ATP2B2: variants seen among roughly 807,000 people sequenced by gnomAD.
ATP2B2 encodes plasma membrane calcium-transporting ATPase 2.
Under a neutral mutation model 120.0 loss-of-function variants are expected in ATP2B2, and 15 were observed. That is an observed-to-expected ratio of 0.12 (90% confidence interval 0.08 to 0.19). ATP2B2 has a LOEUF of 0.19. Among genes scored for constraint, ATP2B2 ranks in the 10% least tolerant of loss-of-function variants. The pLI is 1.00. For synonymous variants in ATP2B2, 694 were observed against 700.3 expected (o/e 0.99, Z 0.14); for missense variants, 1,045 against 1,719.8 (o/e 0.61, Z 6.94).
intron 3 of ATP2B2, among the ~76,000 whole-genome samples, chr3:10,521,357 G>T (rs955090643): frequency 6.6e-6 from 1 of 152,214 alleles, no homozygotes. Flanking sequence ...CTATCTTTGA[G>T]GATAAGATGG....
chr3:10,440,312 C>T (rs901345615), intron 2 of ATP2B2, among the ~76,000 whole-genome samples: 7 of 152,064 alleles, frequency 4.6e-5, no homozygotes, highest in Non-Finnish European at 7.4e-5. Context: ...GCTCTCCATG[C>T]ACCTGGAGAA....
intron 1 of ATP2B2, among the ~76,000 whole-genome samples, chr3:10,634,457 C>T (rs930460410): frequency 6.6e-6 from 1 of 152,208 alleles, no homozygotes; most frequent in African/African-American, 2.4e-5. Flanking sequence ...ACTAGGAAAA[C>T]ACAGCTTCCA....
rs140980773 is a variant in ATP2B2, at chr3:10,374,755, C to T, written c.1416+675G>A. ...AGGTGCAGCTCTGCCATCAGGGTAG[C>T]GCTTAGAAAGGTCCCAGACCAAGCT... is the stretch of plus-strand genomic sequence containing the variant. On this transcript the variant is annotated intron_variant, in intron 11 of 22. Coordinates refer to ENST00000360273, the MANE Select transcript of ATP2B2 (RefSeq NM_001001331.4). 4.1e-4 allele frequency among the ~76,000 whole-genome samples: 63 copies of T among 152,078 alleles called. 1 individual carries two copies. Among genetic ancestry groups the T allele is most frequent in the African/African-American group, 1.5e-3 (61 of 41,332 alleles).
At chr3:10,552,917 C>G (rs1575489315) in intron 2 of ATP2B2, among the ~76,000 whole-genome samples, 2 of 152,198 alleles carry the variant, frequency 1.3e-5, no homozygotes, top group East Asian at 3.9e-4. Context: ...CATTTACTTT[C>G]CATAACAGTT....
At position 10,486,324 on chromosome 3, in the gene ATP2B2, CGT is replaced by C. The variant is rs1553616064; in HGVS notation, c.-320+19139_-320+19140del. ...AACAGCAGCCAGGTGTGTGTGCGTG[CGT>C]GTGTGTGTGTGTGTGTGTGTGTGTG... On this transcript the variant is annotated intron_variant, in intron 1 of 22. Coordinates refer to ENST00000360273, the MANE Select transcript of ATP2B2 (RefSeq NM_001001331.4). 2.0e-3 allele frequency among the ~76,000 whole-genome samples: 230 copies of C among 117,140 alleles called. 2 individuals are homozygous for C. Among genetic ancestry groups the C allele is most frequent in the Middle Eastern group, 8.7e-3 (2 of 230 alleles). The allele number at this position is 117,140 out of a possible 152,430, so 76.8% of individuals were successfully genotyped here. A position where few individuals can be genotyped will look rare whatever the true frequency, so the allele number is the denominator to read the frequency against.
intron 1 of ATP2B2, among the ~76,000 whole-genome samples, chr3:10,481,499 T>C (rs530552482): frequency 6.6e-6 from 1 of 152,338 alleles, no homozygotes; most frequent in African/African-American, 2.4e-5. Context: ...AAAAATAAGA[T>C]GCCTTGTCAT....
At position 10,402,930 on chromosome 3, in the gene ATP2B2, A is replaced by ATT. The variant is rs141389425; in HGVS notation, c.398-584_398-583dup. The stretch of plus-strand genomic sequence containing the variant: ...CATGAGAAAAGAGAGTAAGTGAGGT[A>ATT]TTTTTCTTTTTTTCCAGAACAAAGG... On this transcript the variant is annotated intron_variant, in intron 3 of 22. Transcript: ENST00000360273. The surrounding 1 kb of genome is among the most constrained non-coding windows in gnomAD (Gnocchi z 4.9). Among the ~76,000 whole-genome samples the ATT allele has an allele frequency of 1.8e-3, 273 of 151,460 alleles. 1 individual carries two copies. Among genetic ancestry groups the ATT allele is most frequent in the Middle Eastern group, 0.01 (3 of 294 alleles).
chr3:10,510,356 G>A (rs1021123447), upstream of ATP2B2, among the ~76,000 whole-genome samples: 2 of 152,232 alleles, frequency 1.3e-5, no homozygotes, highest in Non-Finnish European at 2.9e-5. Context: ...AGGAAACTGA[G>A]GTACAGGTAA....
intron 2 of ATP2B2, among the ~76,000 whole-genome samples, chr3:10,439,624 ACT>A (rs2063590242): frequency 6.6e-6 from 1 of 151,874 alleles, no homozygotes; most frequent in Non-Finnish European, 1.5e-5. Context: ...GCTTTTGGAT[ACT>A]CTAGTTTAGC....
intron 2 of ATP2B2, among the ~76,000 whole-genome samples, chr3:10,585,272 G>C (rs111280958): frequency 1.3e-5 from 2 of 152,024 alleles, no homozygotes; most frequent in African/African-American, 4.8e-5. Flanking sequence ...GAGGCTGGAG[G>C]ATCACGAGGT....
chr3:10,544,182 G>C (rs1462703686), intron 2 of ATP2B2, among the ~76,000 whole-genome samples: 1 of 152,138 alleles, frequency 6.6e-6, no homozygotes, highest in East Asian at 1.9e-4. Context: ...TTGAGCTCAT[G>C]AGTGTTTTCC....
intron 1 of ATP2B2, among the ~76,000 whole-genome samples, chr3:10,705,108 A>T (rs1315958995): frequency 6.6e-6 from 1 of 152,198 alleles, no homozygotes; most frequent in Non-Finnish European, 1.5e-5. Flanking sequence ...AGTCCATAGT[A>T]TGGACTGGGT....
chr3:10,339,178 C>T (rs1341943369), intron 21 of ATP2B2, among the ~76,000 whole-genome samples: 4 of 152,194 alleles, frequency 2.6e-5, no homozygotes, highest in African/African-American at 7.2e-5. Flanking sequence ...TGGGCCCAGC[C>T]CCCAAGAGCC....
At chr3:10,440,100 TAAAAAAAAAAA>T (rs71055819) in intron 2 of ATP2B2, among the ~76,000 whole-genome samples, 6 of 28,142 alleles carry the variant, frequency 2.1e-4, no homozygotes, top group African/African-American at 2.9e-4. Flanking sequence ...AGACTCTATC[TAAAAAAAAAAA>T]AAAAAAAAAA....
intron 5 of ATP2B2, among the ~76,000 whole-genome samples, chr3:10,390,249 C>A (rs1413270077): frequency 1.3e-5 from 2 of 152,026 alleles, no homozygotes; most frequent in Non-Finnish European, 2.9e-5. Context: ...TTCCTGTTTT[C>A]AGCATAACTT....
intron 8 of ATP2B2, 78 bp downstream of exon 8, chr3:10,385,190 G>T: frequency 7.0e-7 from 1 of 1,438,026 alleles, no homozygotes; most frequent in Non-Finnish European, 9.8e-7. Context: ...CCAGAACAAG[G>T]AAAGAAAGCC....
chr3:10,652,031 A>G (rs747523266), intron 1 of ATP2B2, among the ~76,000 whole-genome samples: 2 of 152,188 alleles, frequency 1.3e-5, no homozygotes, highest in Non-Finnish European at 2.9e-5. Context: ...AATCAGTACA[A>G]TAGTCTCCTC....
At chr3:10,338,043 G>A in intron 22 of ATP2B2, 133 bp downstream of exon 22, 3 of 1,180,598 alleles carry the variant, frequency 2.5e-6, no homozygotes, top group Non-Finnish European at 3.6e-6. Context: ...GGTGAGAGCT[G>A]GCCGGGACCC....
At chr3:10,660,350 G>A (rs2070747288) in intron 1 of ATP2B2, among the ~76,000 whole-genome samples, 1 of 152,010 alleles carries the variant, frequency 6.6e-6, no homozygotes, top group Non-Finnish European at 1.5e-5. Context: ...TAGACTTCTA[G>A]CAAGACTAAT....
Sources: allele counts gnomAD v4.1 joint callset (sites outside exome capture counted in the v4.1 genomes callset), GRCh38; gene constraint gnomAD v4.1.1; non-coding constraint Gnocchi (gnomAD v3.1); transcripts MANE v1.5; gene names NCBI Gene and HGNC (gene_info 2026-07-23, HGNC 2026-07-21).